Variants in GMDS observed in about 807,000 individuals in gnomAD.
The protein encoded by GMDS is GDP-mannose 4,6 dehydratase.
GMDS carries 20 observed loss-of-function variants against 49.9 expected under a neutral mutation model. That is an observed-to-expected ratio of 0.40 (90% CI 0.28 to 0.58). The LOEUF is 0.58. Among genes scored for constraint, GMDS ranks in the 20% least tolerant of loss-of-function variants. GMDS has a pLI of 0.42. For missense variants in GMDS, 362 were observed against 481.4 expected, an observed-to-expected ratio of 0.75 and a Z score of 2.32; for synonymous variants, 177 against 178.6, an observed-to-expected ratio of 0.99 and a Z score of 0.07.
At position 1,779,398 on chromosome 6, in the gene GMDS, A is replaced by G. The variant is rs77953807; in HGVS notation, c.772-36812T>C. On this transcript the variant is annotated intron_variant, in intron 7 of 10. Coordinates refer to ENST00000380815, the MANE Select transcript of GMDS (RefSeq NM_001500.4). ...AGGGTCACAGATCAGGTGAATTAAC[A>G]GCCTGGGACTCTACCTGGGCCCTCT... 1.1e-3 allele frequency among the ~76,000 whole-genome samples: 163 copies of G among 152,330 alleles called. 4 individuals carry two copies. The East Asian group carries it at 0.03, about 28-fold the overall frequency.
At chr6:2,238,206 T>C (rs1581844733) in intron 1 of GMDS, among the ~76,000 whole-genome samples, 1 of 143,870 alleles carries the variant, frequency 7.0e-6, no homozygotes, top group Non-Finnish European at 1.5e-5. Flanking sequence ...GGTCAGCTGG[T>C]GAGATCCTGT....
At chr6:1,992,816 C>A (rs1212438108) in intron 4 of GMDS, among the ~76,000 whole-genome samples, 1 of 152,210 alleles carries the variant, frequency 6.6e-6, no homozygotes, top group Non-Finnish European at 1.5e-5. Flanking sequence ...AGGGCCAGTG[C>A]CTGGCAAAGA....
At chr6:2,202,561 A>C (rs1779599226) in intron 1 of GMDS, among the ~76,000 whole-genome samples, 1 of 152,002 alleles carries the variant, frequency 6.6e-6, no homozygotes, top group Admixed American at 6.6e-5. Context: ...AGGAGGGGAC[A>C]GGCTGATGGA....
At chr6:2,062,035 A>G (rs561334635) in intron 4 of GMDS, among the ~76,000 whole-genome samples, 15 of 152,296 alleles carry the variant, frequency 9.8e-5, no homozygotes, top group Non-Finnish European at 1.8e-4. Context: ...AGCTGAATAA[A>G]ATTGAGAACT....
chr6:1,872,555 C>G (rs923396011), intron 7 of GMDS, among the ~76,000 whole-genome samples: 1 of 152,188 alleles, frequency 6.6e-6, no homozygotes, highest in South Asian at 2.1e-4. Context: ...CTTGTGACAA[C>G]GTCCAAAAGG....
chr6:2,241,563 T>G (rs1186490511), intron 1 of GMDS, among the ~76,000 whole-genome samples: 1 of 152,138 alleles, frequency 6.6e-6, no homozygotes, highest in South Asian at 2.1e-4. Flanking sequence ...AGATCCCTCA[T>G]GAATGCTTGG....
intron 1 of GMDS, among the ~76,000 whole-genome samples, chr6:2,170,791 C>T (rs1338502227): frequency 2.0e-5 from 3 of 151,950 alleles, no homozygotes; most frequent in South Asian, 2.1e-4. Context: ...GTCAGGAGAT[C>T]GAGACCATCC....
At chr6:2,218,238 G>A (rs1374957342) in intron 1 of GMDS, among the ~76,000 whole-genome samples, 1 of 152,172 alleles carries the variant, frequency 6.6e-6, no homozygotes, top group Non-Finnish European at 1.5e-5. Flanking sequence ...GAAAGTTGAG[G>A]ATTACGATGA....
At chr6:2,124,595 C>CACA in intron 2 of GMDS, 92 bp downstream of exon 2, 1 of 937,626 alleles carries the variant, frequency 1.1e-6, no homozygotes, top group Admixed American at 1.8e-5. Flanking sequence ...CAGTGGAAAA[C>CACA]ACACTCAGGA....
At chr6:1,652,055 G>T (rs4959143) in intron 9 of GMDS, among the ~76,000 whole-genome samples, 150,754 of 151,810 alleles carry the variant, frequency 0.99, 74,859 homozygotes, top group South Asian at 1. Context: ...AACTGAGAGA[G>T]CTAAGATCAG....
At chr6:2,105,702 A>G (rs1774204139) in intron 4 of GMDS, among the ~76,000 whole-genome samples, 1 of 152,240 alleles carries the variant, frequency 6.6e-6, no homozygotes, top group African/African-American at 2.4e-5. Context: ...TATATACTAA[A>G]AAAATAAAAA....
At chr6:2,245,114 G>A (rs1371570672) in intron 1 of GMDS, among the ~76,000 whole-genome samples, 1 of 152,212 alleles carries the variant, frequency 6.6e-6, no homozygotes, top group African/African-American at 2.4e-5. Context: ...CCCAGAGAAA[G>A]ACCAGAGGCG....
chr6:2,034,632 G>T (rs1769178859), intron 4 of GMDS, among the ~76,000 whole-genome samples: 1 of 152,182 alleles, frequency 6.6e-6, no homozygotes, highest in South Asian at 2.1e-4. Flanking sequence ...CTGGCTCACA[G>T]GCCAACAGTG....
intron 8 of GMDS, among the ~76,000 whole-genome samples, chr6:1,732,347 A>T (rs1240092297): frequency 6.6e-6 from 1 of 152,194 alleles, no homozygotes; most frequent in Non-Finnish European, 1.5e-5. Context: ...AAATAAAAAT[A>T]AAAAAAGATA....
chr6:2,125,875 C>T (rs1775402946), intron 1 of GMDS, among the ~76,000 whole-genome samples: 4 of 152,146 alleles, frequency 2.6e-5, no homozygotes, highest in Admixed American at 2.0e-4. Context: ...TTATTATGCA[C>T]ACATACAAAT....
chr6:1,795,020 T>C (rs892044402), intron 7 of GMDS, among the ~76,000 whole-genome samples: 3 of 151,936 alleles, frequency 2.0e-5, no homozygotes, highest in African/African-American at 7.3e-5. Flanking sequence ...CGAAGCCCCA[T>C]CTCTACAAAA....
At chr6:1,814,376 A>T (rs765269708) in intron 7 of GMDS, among the ~76,000 whole-genome samples, 5 of 152,138 alleles carry the variant, frequency 3.3e-5, no homozygotes, top group Non-Finnish European at 7.4e-5. Flanking sequence ...AGACTACTGG[A>T]ACATTCTGAT....
intron 4 of GMDS, among the ~76,000 whole-genome samples, chr6:2,018,335 A>C (rs950982804): frequency 1.3e-5 from 2 of 152,246 alleles, no homozygotes. Context: ...TTGTTGAGAT[A>C]TAATTAACAT....
At chr6:2,137,909 A>C (rs986649456) in intron 1 of GMDS, among the ~76,000 whole-genome samples, 2 of 152,218 alleles carry the variant, frequency 1.3e-5, no homozygotes, top group African/African-American at 4.8e-5. Context: ...TGCCAAGTTA[A>C]CTACTGTATT....
Sources: gnomAD v4.1 joint callset for allele counts (sites outside exome capture counted in the v4.1 genomes callset) on GRCh38, gnomAD v4.1.1 for gene constraint, MANE v1.5 for transcripts, NCBI Gene and HGNC (gene_info 2026-07-23, HGNC 2026-07-21) for gene names.